PUS7: variants seen among roughly 807,000 people sequenced by gnomAD.
PUS7 encodes the protein pseudouridylate synthase 7 homolog.
A neutral mutation model predicts 79.8 loss-of-function variants in PUS7; 48 were observed. The ratio of observed to expected loss-of-function variants is 0.60; its 90% CI spans 0.48 to 0.76. The LOEUF (loss-of-function observed/expected upper bound fraction) is 0.76. Ranked by LOEUF, PUS7 falls within the 30% of genes least tolerant of loss-of-function variation. PUS7 has a pLI of 0.00. For missense variants in PUS7, 729 were observed against 797.6 expected, an observed-to-expected ratio of 0.91 and a Z score of 1.04; for synonymous variants, 286 against 272.2, an observed-to-expected ratio of 1.05 and a Z score of -0.50.
At chr7:105,503,605 T>C (rs1341516926) in intron 4 of PUS7, among the ~76,000 whole-genome samples, 1 of 152,168 alleles carries the variant, frequency 6.6e-6, no homozygotes, top group Non-Finnish European at 1.5e-5. Flanking sequence ...CTATTTGCAA[T>C]GCACAAGTAT....
intron 1 of PUS7, among the ~76,000 whole-genome samples, chr7:105,515,789 TA>T (rs1443130055): frequency 4.4e-4 from 10 of 22,608 alleles, no homozygotes; most frequent in Non-Finnish European, 7.5e-4. Flanking sequence ...TATTTTATTT[TA>T]TTTTATTTAT....
chr7:105,468,581 G>A (rs889601928), intron 11 of PUS7, 118 bp from the exon 12 acceptor site: 12 of 853,984 alleles, frequency 1.4e-5, no homozygotes, highest in African/African-American at 3.5e-5. Context: ...GCAGTGGCAC[G>A]ATCTAGGCTC....
chr7:105,496,232 G>T (rs1399760485), intron 5 of PUS7, among the ~76,000 whole-genome samples: 643 of 37,660 alleles, frequency 0.017, 1 homozygote, highest in South Asian at 0.068. Context: ...TATATAGAGA[G>T]AGAGAGAGAG....
At chr7:105,463,409 A>G (rs1034539943) in intron 13 of PUS7, among the ~76,000 whole-genome samples, 5 of 152,220 alleles carry the variant, frequency 3.3e-5, no homozygotes, top group East Asian at 3.8e-4. Flanking sequence ...TCTTTCAGCC[A>G]TATCTTCTCT....
chr7:105,519,963 T>C (rs1389283384), intron 1 of PUS7, among the ~76,000 whole-genome samples: 1 of 152,152 alleles, frequency 6.6e-6, no homozygotes, highest in Non-Finnish European at 1.5e-5. Flanking sequence ...TTGTTCTCTC[T>C]CTCTCCTAGG....
At chr7:105,471,969 T>C (rs988834698) in intron 10 of PUS7, among the ~76,000 whole-genome samples, 163 bp downstream of exon 10, 3 of 149,574 alleles carry the variant, frequency 2.0e-5, no homozygotes, top group African/African-American at 7.4e-5. Flanking sequence ...AATATACATA[T>C]ACAACTGTTG....
At chr7:105,467,894 A>G (rs986701296) in intron 12 of PUS7, among the ~76,000 whole-genome samples, 1 of 151,948 alleles carries the variant, frequency 6.6e-6, no homozygotes, top group South Asian at 2.1e-4. Context: ...AAACTAGCCA[A>G]TGTAAGTTTG....
intron 2 of PUS7, 30 bp downstream of exon 2, chr7:105,508,085 A>C (rs776788619): frequency 6.3e-7 from 1 of 1,577,538 alleles, no homozygotes; most frequent in East Asian, 2.2e-5. Context: ...TAATACAATC[A>C]AAATAACTTT....
rs1330656468 is a variant in PUS7, at chr7:105,494,988, AAAAAGAAAG to A, written c.842+145_842+153del. ...TGAGACTGTCTAAAAAAAAAAAAAA[AAAAAGAAAG>A]AAAGAAAGAAAGAAAACTATCATTG... On this transcript the variant is annotated intron_variant, in intron 6 of 15. Transcript: ENST00000469408. Among the ~76,000 whole-genome samples, 189 of 151,428 alleles carry A rather than the reference AAAAAGAAAG, an allele frequency of 1.2e-3. 1 individual carries two copies. Among genetic ancestry groups the A allele is most frequent in the African/African-American group, 4.4e-3 (182 of 41,314 alleles).
chr7:105,509,361 C>A (rs1259957972), intron 1 of PUS7, among the ~76,000 whole-genome samples: 1 of 152,002 alleles, frequency 6.6e-6, no homozygotes, highest in Non-Finnish European at 1.5e-5. Context: ...TCATCACAAG[C>A]CTTAAAAATA....
chr7:105,508,446 T>C lies in PUS7; in HGVS notation c.67A>G (p.Ser23Gly), dbSNP rs141108039. 5.0e-6 allele frequency: 8 copies of C among 1,614,052 alleles called. No homozygotes were observed. Among genetic ancestry groups the C allele is most frequent in the Non-Finnish European group, 6.8e-6 (8 of 1,180,034 alleles). Residue 23 changes from serine (S) to glycine (G), a missense_variant, in exon 2 of 16, where the codon AGT becomes GGT. Physicochemically the swap from Ser to Gly is moderately conservative, Grantham distance 56 (BLOSUM62 0). Coordinates refer to ENST00000469408, the MANE Select transcript of PUS7 (RefSeq NM_019042.5). ...TTTGTCTCTTCAACTGGGACTCCACTGTCATTATCTTCGACAACCAGTGCC... is the reference window on the plus strand; with the variant it reads ...TTTGTCTCTTCAACTGGGACTCCACCGTCATTATCTTCGACAACCAGTGCC... ...RGALVVEDND[S>G]GVPVEETKKQ... is the part of the protein sequence containing the mutation.
intron 12 of PUS7, among the ~76,000 whole-genome samples, chr7:105,467,034 G>GTTTTTTTTTTTT (rs56177512): frequency 2.8e-5 from 2 of 70,694 alleles, no homozygotes; most frequent in East Asian, 6.4e-4. Context: ...AGTTTTTTCT[G>GTTTTTTTTTTTT]TTTTTTTTTT....
intron 5 of PUS7, among the ~76,000 whole-genome samples, chr7:105,495,627 C>T (rs926103813): frequency 2.0e-5 from 3 of 151,934 alleles, no homozygotes; most frequent in Non-Finnish European, 4.4e-5. Context: ...CGCCTGTGGT[C>T]CCAACTACTC....
At chr7:105,516,608 C>G (rs1440573584) in intron 1 of PUS7, among the ~76,000 whole-genome samples, 2 of 152,048 alleles carry the variant, frequency 1.3e-5, no homozygotes, top group East Asian at 1.9e-4. Context: ...CGCCCGCTAC[C>G]ACGCCCAGCT....
chr7:105,495,198 T>C lies in PUS7; in HGVS notation c.786A>G (p.Leu262=), dbSNP rs760514843. The C allele has an allele frequency of 5.6e-6, 9 of 1,613,012 alleles. No individual in the cohort carries two copies. Among genetic ancestry groups the C allele is most frequent in the East Asian group, 2.2e-5 (1 of 44,818 alleles). Residue 262 remains leucine (L), a synonymous_variant, in exon 6 of 16, where the codon CTA becomes CTG. Transcript: ENST00000469408. ...KSRGSYCHFV[L]YKENKDTMDA... ...CCATGGTGTCTTTGTTTTCCTTATA[T>C]AGTACGAAGTGGCAGTAACTTCCCC...
chr7:105,480,810 A>C (rs1006721991), intron 9 of PUS7, among the ~76,000 whole-genome samples: 4 of 151,966 alleles, frequency 2.6e-5, no homozygotes, highest in Admixed American at 2.0e-4. Flanking sequence ...AAATAAAAAA[A>C]TAAAAATAGA....
chr7:105,476,737 T>C (rs1453826239), intron 9 of PUS7, among the ~76,000 whole-genome samples: 1 of 152,138 alleles, frequency 6.6e-6, no homozygotes. Flanking sequence ...AAAGCCCAGG[T>C]TTCTAATTTC....
At chr7:105,476,197 T>C (rs890077640) in intron 9 of PUS7, among the ~76,000 whole-genome samples, 20 of 151,964 alleles carry the variant, frequency 1.3e-4, no homozygotes, top group Non-Finnish European at 1.3e-4. Context: ...ATGGGCCACA[T>C]TTTGTTTGGA....
In PUS7 at chr7:105,465,459, T is replaced by C. The variant is rs376362084; in HGVS notation, c.1526-45A>G. 8 of 1,370,282 alleles carry C rather than the reference T, an allele frequency of 5.8e-6. No homozygotes were observed. In the African/African-American group the frequency reaches 8.6e-5, roughly 15 times the overall value. 84.9% of individuals were successfully genotyped at this position (1,370,282 alleles called of 1,614,324 possible). A position where few individuals can be genotyped will look rare whatever the true frequency, so the allele number is the denominator to read the frequency against. The stretch of plus-strand genomic sequence containing the variant: ...CAATAAATTAAGAAAATAGGCAATA[T>C]TGTTATGAACTCAATCTTCTAAAAT... On this transcript the variant is annotated intron_variant, in intron 12 of 15. Coordinates refer to ENST00000469408, the MANE Select transcript of PUS7 (RefSeq NM_019042.5).
Sources: gnomAD v4.1 joint callset for allele counts (sites outside exome capture counted in the v4.1 genomes callset) on GRCh38, gnomAD v4.1.1 for gene constraint, MANE v1.5 for transcripts, NCBI Gene and HGNC (gene_info 2026-07-23, HGNC 2026-07-21) for gene names.